APBA1: variants seen among roughly 807,000 people sequenced by gnomAD.
APBA1 encodes the protein amyloid beta precursor protein binding family A member 1.
Under a neutral mutation model 86.6 loss-of-function variants are expected in APBA1, and 55 were observed. The observed-to-expected ratio is 0.64, with a 90% CI of 0.51 to 0.80. APBA1 has a LOEUF of 0.80. Ranked by LOEUF, APBA1 falls within the 30% of genes least tolerant of loss-of-function variation. The pLI, the probability that APBA1 is intolerant of heterozygous loss-of-function variation, is 0.00. For synonymous variants in APBA1, 511 were observed against 493.9 expected, an observed-to-expected ratio of 1.03 and a Z score of -0.46; for missense variants, 1,090 against 1,183.0, an observed-to-expected ratio of 0.92 and a Z score of 1.15.
chr9:69,520,574 G>A (rs542210248), intron 1 of APBA1, among the ~76,000 whole-genome samples: 6 of 152,274 alleles, frequency 3.9e-5, no homozygotes, highest in African/African-American at 1.4e-4. Context: ...TGATCAGAAA[G>A]ATGTGGGGGT....
At chr9:69,536,637 C>T (rs892794684) in intron 1 of APBA1, among the ~76,000 whole-genome samples, 34 of 137,558 alleles carry the variant, frequency 2.5e-4, no homozygotes, top group Admixed American at 1.8e-3. Context: ...GAGGCTGAGG[C>T]GGGCAGATTG....
intron 2 of APBA1, among the ~76,000 whole-genome samples, chr9:69,495,949 C>G (rs1835787997): frequency 6.6e-6 from 1 of 152,046 alleles, no homozygotes; most frequent in Non-Finnish European, 1.5e-5. Context: ...ATGCTGCAGT[C>G]TGAATAAGGG....
At chr9:69,535,296 T>C (rs545100587) in intron 1 of APBA1, among the ~76,000 whole-genome samples, 1 of 152,356 alleles carries the variant, frequency 6.6e-6, no homozygotes, top group Non-Finnish European at 1.5e-5. Context: ...TCTAAGACTC[T>C]AGCTGATGCT....
intron 3 of APBA1, 88 bp from the exon 4 acceptor site, chr9:69,471,783 T>C (rs1835370197): frequency 2.8e-6 from 3 of 1,077,444 alleles, no homozygotes; most frequent in Non-Finnish European, 4.2e-6. Context: ...GAAAAATAAA[T>C]ACATAATCAG....
At chr9:69,526,332 G>C (rs1188411978) in intron 1 of APBA1, among the ~76,000 whole-genome samples, 1 of 151,906 alleles carries the variant, frequency 6.6e-6, no homozygotes, top group African/African-American at 2.4e-5. Flanking sequence ...ATCTGATAAA[G>C]GTCTAAAATC....
At chr9:69,493,760 C>CA (rs1474765761) in intron 2 of APBA1, among the ~76,000 whole-genome samples, 1 of 151,880 alleles carries the variant, frequency 6.6e-6, no homozygotes, top group Non-Finnish European at 1.5e-5. Context: ...GAAAAGGAAG[C>CA]AAAAAATAGG....
At chr9:69,652,026 G>A (rs1234142866) in intron 1 of APBA1, among the ~76,000 whole-genome samples, 2 of 152,158 alleles carry the variant, frequency 1.3e-5, no homozygotes, top group African/African-American at 2.4e-5. Flanking sequence ...TAGAAGAAGA[G>A]ACACCAGGGA....
intron 1 of APBA1, among the ~76,000 whole-genome samples, chr9:69,602,956 T>C (rs889584715): frequency 6.6e-6 from 1 of 152,254 alleles, no homozygotes; most frequent in African/African-American, 2.4e-5. Flanking sequence ...TCATCTTTCT[T>C]ATCAAAAGAC....
At chr9:69,491,720 G>C (rs1355708434) in intron 2 of APBA1, among the ~76,000 whole-genome samples, 1 of 151,588 alleles carries the variant, frequency 6.6e-6, no homozygotes, top group African/African-American at 2.4e-5. Context: ...TGCAATTCCA[G>C]GGAACACAGT....
At chr9:69,606,403 G>A (rs149421427) in intron 1 of APBA1, among the ~76,000 whole-genome samples, 21 of 146,656 alleles carry the variant, frequency 1.4e-4, no homozygotes, top group Non-Finnish European at 1.0e-4. Context: ...TTATTGTATC[G>A]CCTACTTTTT....
intron 1 of APBA1, among the ~76,000 whole-genome samples, chr9:69,568,605 T>C (rs1485681963): frequency 1.3e-5 from 2 of 152,168 alleles, no homozygotes; most frequent in Admixed American, 6.5e-5. Context: ...AGAGATCATA[T>C]AAAAAGTGTG....
chr9:69,547,824 G>C (rs1836722014), intron 1 of APBA1, among the ~76,000 whole-genome samples: 1 of 152,150 alleles, frequency 6.6e-6, no homozygotes, highest in African/African-American at 2.4e-5. Flanking sequence ...TCCATGTCTG[G>C]TTTCCAACAC....
intron 1 of APBA1, among the ~76,000 whole-genome samples, chr9:69,531,655 G>C (rs1230500611): frequency 6.6e-6 from 1 of 152,180 alleles, no homozygotes; most frequent in Non-Finnish European, 1.5e-5. Flanking sequence ...CATGGCCTCT[G>C]TAGGTAAATC....
chr9:69,586,949 T>G (rs952251929), intron 1 of APBA1, among the ~76,000 whole-genome samples: 7 of 152,250 alleles, frequency 4.6e-5, no homozygotes, highest in Middle Eastern at 3.2e-3. Context: ...ATAGTTTGGC[T>G]GTATGTGCTT....
chr9:69,533,491 G>A (rs1836463087), intron 1 of APBA1, among the ~76,000 whole-genome samples: 1 of 152,166 alleles, frequency 6.6e-6, no homozygotes, highest in South Asian at 2.1e-4. Flanking sequence ...TTGAGGAAGG[G>A]CTGATGAGCT....
chr9:69,521,541 G>A (rs870331), intron 1 of APBA1, among the ~76,000 whole-genome samples: 6,015 of 152,108 alleles, frequency 0.04, 427 homozygotes, highest in African/African-American at 0.14. Flanking sequence ...GCACTGGGTC[G>A]GGGGTCAGAG....
chr9:69,655,301 T>G (rs1823586060), intron 1 of APBA1, among the ~76,000 whole-genome samples: 1 of 152,142 alleles, frequency 6.6e-6, no homozygotes, highest in South Asian at 2.1e-4. Context: ...TATACACATA[T>G]ATACACATAT....
chr9:69,456,525 G>A (rs1215433533), intron 7 of APBA1, 93 bp from the exon 8 acceptor site: 15 of 1,345,152 alleles, frequency 1.1e-5, no homozygotes, highest in Non-Finnish European at 1.4e-5. Flanking sequence ...AGTATGGTTC[G>A]CATGCAGGGT....
At chr9:69,500,456 CA>C (rs1297628884) in intron 2 of APBA1, among the ~76,000 whole-genome samples, 1 of 152,060 alleles carries the variant, frequency 6.6e-6, no homozygotes, top group Non-Finnish European at 1.5e-5. Flanking sequence ...GGGAGGAAAG[CA>C]GGTGACAAAC....
Sources: allele counts gnomAD v4.1 joint callset (sites outside exome capture counted in the v4.1 genomes callset), GRCh38; gene constraint gnomAD v4.1.1; transcripts MANE v1.5; gene names NCBI Gene and HGNC (gene_info 2026-07-23, HGNC 2026-07-21).